Variants in DMXL2 observed in about 807,000 individuals in gnomAD.
DMXL2 encodes Dmx like 2.
Under a neutral mutation model 331.1 loss-of-function variants are expected in DMXL2, and 103 were observed. The ratio of observed to expected loss-of-function variants is 0.31; its 90% confidence interval spans 0.27 to 0.37. The LOEUF (loss-of-function observed/expected upper bound fraction) is 0.37, where lower values mean the gene tolerates loss of function less well. DMXL2 is among the 10% of genes least tolerant of loss of function. DMXL2 has a pLI of 1.00. For synonymous variants in DMXL2, 1,281 were observed against 1,252.1 expected (o/e 1.02, Z -0.49); for missense variants, 3,171 against 3,642.9 (o/e 0.87, Z 3.33).
rs757382344 is a variant in DMXL2 at position 51,464,775 on chromosome 15, G to C, written c.7708C>G (p.Pro2570Ala). The change falls in exon 32 of 44, where the codon CCT becomes GCT. Residue 2570 changes from proline (P) to alanine (A), a missense_variant. Coordinates refer to ENST00000560891, the MANE Select transcript of DMXL2 (RefSeq NM_001378457.1). ...GTTGGATATGTGTTGATATAGTTAG[G>C]GGGTGGACCTTCAAACTGATCCATT... ...EKMDQFEGPP[P>A]NYINTYPTDL... 10 of 1,613,964 alleles carry C rather than the reference G, an allele frequency of 6.2e-6. No individual in the cohort carries two copies. Among genetic ancestry groups the C allele is most frequent in the Non-Finnish European group, 8.5e-6 (10 of 1,179,982 alleles).
intron 19 of DMXL2, among the ~76,000 whole-genome samples, chr15:51,492,607 T>C (rs2042890894): frequency 6.6e-6 from 1 of 152,182 alleles, no homozygotes; most frequent in Admixed American, 6.5e-5. Flanking sequence ...TATCAACAGT[T>C]CAATTACTGA....
At chr15:51,562,276 A>C (rs773109445) in intron 6 of DMXL2, among the ~76,000 whole-genome samples, 8 of 152,202 alleles carry the variant, frequency 5.3e-5, no homozygotes, top group Non-Finnish European at 8.8e-5. Flanking sequence ...ATCGAAGGTC[A>C]GTGATTTTTC....
chr15:51,571,370 A>G (rs1201854946), intron 2 of DMXL2, among the ~76,000 whole-genome samples: 1 of 152,208 alleles, frequency 6.6e-6, no homozygotes, highest in Non-Finnish European at 1.5e-5. Flanking sequence ...AATAATAGAC[A>G]CATCGACAAG....
At position 51,542,459 on chromosome 15, in the gene DMXL2, C is replaced by A; in HGVS notation, c.979G>T (p.Val327Phe). The A allele has an allele frequency of 6.2e-7, 1 of 1,613,772 alleles. No individual in the cohort carries two copies. Among genetic ancestry groups the A allele is most frequent in the Non-Finnish European group, 8.5e-7 (1 of 1,179,808 alleles). ...ATTAATTCAGCATGAGTTACAAGAA[C>A]AGATGACCTCCTCTGTCCTTTCCTT... Reference protein sequence around the residue: ...NLRKGQRRSSVLVTHAELMPD... With the variant: ...NLRKGQRRSSFLVTHAELMPD... The change falls in exon 9 of 44, where the codon GTT (valine) becomes TTT (phenylalanine). Residue 327 changes from valine (V) to phenylalanine (F), a missense_variant. By Grantham distance (50) the Val-to-Phe change is conservative. Transcript: ENST00000560891.
At chr15:51,545,844 C>T in intron 7 of DMXL2, 78 bp from the exon 8 acceptor site, 1 of 1,259,336 alleles carries the variant, frequency 7.9e-7, no homozygotes, top group Non-Finnish European at 1.1e-6. Context: ...GTTCTTCATG[C>T]ATAAAGATAA....
chr15:51,619,902 C>T (rs747575230), intron 1 of DMXL2, among the ~76,000 whole-genome samples: 2 of 152,180 alleles, frequency 1.3e-5, no homozygotes, highest in Non-Finnish European at 2.9e-5. Flanking sequence ...AAAGCCCACA[C>T]AATGAGAAGT....
chr15:51,614,057 G>A (rs2054137047), intron 1 of DMXL2, among the ~76,000 whole-genome samples: 1 of 152,126 alleles, frequency 6.6e-6, no homozygotes, highest in African/African-American at 2.4e-5. Context: ...CCTTTCAAGA[G>A]GTAATATAAG....
chr15:51,609,940 A>C (rs11635192), intron 1 of DMXL2, among the ~76,000 whole-genome samples: 1 of 150,958 alleles, frequency 6.6e-6, no homozygotes, highest in African/African-American at 2.4e-5. Flanking sequence ...TAAAAAAAAA[A>C]AAAAAAACTA....
Position 51,450,366 on chromosome 15 carries a change from G to A in DMXL2, c.8750-20C>T. The A allele has an allele frequency of 4.3e-6, 7 of 1,610,990 alleles. No individual in the cohort carries two copies. The highest frequency in any genetic ancestry group is 5.9e-6 in the Non-Finnish European group (7 of 1,177,456). On this transcript the variant is annotated intron_variant, in intron 42 of 43. Coordinates refer to ENST00000560891, the MANE Select transcript of DMXL2 (RefSeq NM_001378457.1). The stretch of plus-strand genomic sequence containing the variant: ...TGAAACCTGAAGAAGAAAAACATCA[G>A]AGAATTTCTCAAAACAATTTCTTGT...
At chr15:51,561,534 A>AG (rs61623176) in intron 6 of DMXL2, among the ~76,000 whole-genome samples, 73,024 of 151,950 alleles carry the variant, frequency 0.48, 17,863 homozygotes, top group Non-Finnish European at 0.52. Flanking sequence ...GCAGCATACA[A>AG]GACGCCAGTA....
chr15:51,541,030 A>C (rs911218282), intron 9 of DMXL2, among the ~76,000 whole-genome samples: 12 of 152,196 alleles, frequency 7.9e-5, no homozygotes, highest in Admixed American at 3.3e-4. Flanking sequence ...TTTTGTTTTG[A>C]AGTTGAATTT....
Position 51,463,384 on chromosome 15 carries a change from TCTG to T in DMXL2, c.7918_7920del (p.Gln2640del), listed in dbSNP as rs1030103756. 5 of 1,520,958 alleles carry T rather than the reference TCTG, an allele frequency of 3.3e-6. No individual in the cohort carries two copies. In the African/African-American group the frequency reaches 6.9e-5, roughly 21 times the overall value. The allele number at this position is 1,520,958 out of a possible 1,614,324, so 94.2% of individuals were successfully genotyped here. ...AAATATTTTTCTCAAAATACCTCAC[TCTG>T]CTTTCTTTTCTTAGTGAAAATATAT... On this transcript the variant is annotated inframe_deletion, in exon 33 of 44. Transcript: ENST00000560891.
chr15:51,545,067 T>C (rs890479330), intron 8 of DMXL2, among the ~76,000 whole-genome samples: 1 of 152,192 alleles, frequency 6.6e-6, no homozygotes, highest in Non-Finnish European at 1.5e-5. Flanking sequence ...TTATAAAAAT[T>C]ATTTCATTTT....
intron 1 of DMXL2, among the ~76,000 whole-genome samples, chr15:51,586,991 A>C (rs561524829): frequency 6.6e-6 from 1 of 151,752 alleles, no homozygotes; most frequent in Non-Finnish European, 1.5e-5. Flanking sequence ...TCTAAAAAAA[A>C]AAAAAATCAA....
intron 27 of DMXL2, among the ~76,000 whole-genome samples, chr15:51,476,164 C>A (rs758119224): frequency 4.6e-5 from 7 of 152,072 alleles, no homozygotes; most frequent in Non-Finnish European, 1.0e-4. Flanking sequence ...AAAGGACTGT[C>A]AGACAGCATG....
intron 7 of DMXL2, among the ~76,000 whole-genome samples, chr15:51,546,589 C>T (rs1339097437): frequency 6.6e-6 from 1 of 151,944 alleles, no homozygotes; most frequent in African/African-American, 2.4e-5. Context: ...TTTCTTAGAC[C>T]TGTATATAAT....
chr15:51,527,430 C>T (rs2047736553), intron 13 of DMXL2, among the ~76,000 whole-genome samples: 1 of 150,484 alleles, frequency 6.6e-6, no homozygotes, highest in South Asian at 2.1e-4. Context: ...CATTAATGAG[C>T]AATAAGAAGT....
intron 13 of DMXL2, among the ~76,000 whole-genome samples, chr15:51,527,722 CAAA>C (rs1021372436): frequency 5.3e-5 from 4 of 75,378 alleles, no homozygotes; most frequent in Non-Finnish European, 5.6e-5. Flanking sequence ...ATTCTGCCTC[CAAA>C]AAAAAAAAAA....
intron 1 of DMXL2, among the ~76,000 whole-genome samples, chr15:51,621,591 A>G (rs4775966): frequency 0.48 from 72,773 of 152,054 alleles, 17,796 homozygotes; most frequent in Non-Finnish European, 0.52. Context: ...GGCTTGGTTT[A>G]AACATTTCCA....
Sources: gnomAD v4.1 joint callset for allele counts (sites outside exome capture counted in the v4.1 genomes callset) on GRCh38, gnomAD v4.1.1 for gene constraint, MANE v1.5 for transcripts, NCBI Gene and HGNC (gene_info 2026-07-23, HGNC 2026-07-21) for gene names.